The following ST3GAL3 variants were observed in gnomAD, a reference collection of about 807,000 sequenced individuals.
ST3GAL3 encodes ST3 beta-galactoside alpha-2,3-sialyltransferase 3, also known as CMP-N-acetylneuraminate-beta-1,4-galactoside alpha-2,3-sialyltransferase.
Under a neutral mutation model 50.1 loss-of-function variants are expected in ST3GAL3, and 21 were observed. That is an observed-to-expected ratio of 0.42 (90% confidence interval 0.30 to 0.60). The LOEUF (loss-of-function observed/expected upper bound fraction) is 0.60, where lower values mean the gene tolerates loss of function less well. ST3GAL3 is among the 20% of genes least tolerant of loss of function. The probability of loss-of-function intolerance (pLI) is 0.19; values close to 1 mark genes in which losing one functional copy is unlikely to be tolerated. For missense variants in ST3GAL3, 353 were observed against 489.4 expected (o/e 0.72, Z 2.63); for synonymous variants, 183 against 190.0 (o/e 0.96, Z 0.30).
chr1:43,754,671 A>G (rs1687394813), intron 2 of ST3GAL3, among the ~76,000 whole-genome samples: 1 of 152,196 alleles, frequency 6.6e-6, no homozygotes, highest in African/African-American at 2.4e-5. Context: ...AAAGTAACCA[A>G]GAAAACAAAA....
chr1:43,822,287 G>T (rs2062202895), intron 4 of ST3GAL3, among the ~76,000 whole-genome samples: 1 of 152,196 alleles, frequency 6.6e-6, no homozygotes, highest in Non-Finnish European at 1.5e-5. Flanking sequence ...ACTTTCCTGA[G>T]CCGACGTGGG....
At chr1:43,814,407 T>C (rs1225321026) in intron 3 of ST3GAL3, among the ~76,000 whole-genome samples, 1 of 152,240 alleles carries the variant, frequency 6.6e-6, no homozygotes, top group African/African-American at 2.4e-5. Flanking sequence ...CTATTCTTTA[T>C]GTAATCTGAT....
chr1:43,905,160 TTC>T (rs1491238754), intron 9 of ST3GAL3, among the ~76,000 whole-genome samples: 53 of 109,306 alleles, frequency 4.8e-4, no homozygotes, highest in East Asian at 1.4e-3. Flanking sequence ...CCCACCACTC[TTC>T]TCCTCCCCCT....
At position 43,770,335 on chromosome 1, in the gene ST3GAL3, T is replaced by G. The variant is rs114310788; in HGVS notation, c.119-21767T>G. ...GAAGACCAGTGGACGGGCCTCAAGTTTTTAGCTGTGTGCGTAAATTAACAA... is the reference window on the plus strand; with the variant it reads ...GAAGACCAGTGGACGGGCCTCAAGTGTTTAGCTGTGTGCGTAAATTAACAA... On this transcript the variant is annotated intron_variant, in intron 2 of 11. Coordinates refer to ENST00000347631, the MANE Select transcript of ST3GAL3 (RefSeq NM_006279.5). Among the ~76,000 whole-genome samples, 567 of 151,626 alleles carry G rather than the reference T, an allele frequency of 3.7e-3. 3 individuals are homozygous for G. Among genetic ancestry groups the G allele is most frequent in the African/African-American group, 0.013 (538 of 41,264 alleles).
chr1:43,732,364 A>G (rs550307811), intron 1 of ST3GAL3, among the ~76,000 whole-genome samples: 1 of 152,242 alleles, frequency 6.6e-6, no homozygotes, highest in South Asian at 2.1e-4. Context: ...GTCCCTTGCC[A>G]TGGTTCTAGT....
At chr1:43,886,119 G>A (rs2075944640) in intron 5 of ST3GAL3, among the ~76,000 whole-genome samples, 1 of 152,210 alleles carries the variant, frequency 6.6e-6, no homozygotes, top group Non-Finnish European at 1.5e-5. Flanking sequence ...AGTGGCTCAT[G>A]CCTGTCATCC....
At chr1:43,759,919 C>T (rs1335924934) in intron 2 of ST3GAL3, among the ~76,000 whole-genome samples, 1 of 152,106 alleles carries the variant, frequency 6.6e-6, no homozygotes, top group Non-Finnish European at 1.5e-5. Context: ...TCACTTGAGG[C>T]CAGCCTGAGC....
At chr1:43,824,053 T>A (rs548960547) in intron 4 of ST3GAL3, among the ~76,000 whole-genome samples, 4 of 152,354 alleles carry the variant, frequency 2.6e-5, no homozygotes, top group African/African-American at 4.8e-5. Context: ...CTCACAGATA[T>A]ATTCACAATG....
intron 2 of ST3GAL3, among the ~76,000 whole-genome samples, chr1:43,762,186 G>A (rs1029177751): frequency 8.0e-5 from 12 of 150,080 alleles, no homozygotes; most frequent in Admixed American, 5.3e-4. Context: ...CAGGAGGATC[G>A]CTTGAACCCA....
intron 2 of ST3GAL3, among the ~76,000 whole-genome samples, chr1:43,782,294 C>T (rs905892354): frequency 3.3e-5 from 5 of 152,172 alleles, no homozygotes; most frequent in African/African-American, 4.8e-5. Context: ...GAATTTCATC[C>T]GGCCCCCAAC....
intron 2 of ST3GAL3, among the ~76,000 whole-genome samples, chr1:43,773,733 A>G (rs1696177701): frequency 6.6e-6 from 1 of 152,188 alleles, no homozygotes; most frequent in Admixed American, 6.6e-5. Context: ...CACTAAGACA[A>G]TGGACTTAAT....
At chr1:43,901,032 T>G in intron 9 of ST3GAL3, among the ~76,000 whole-genome samples, 1 of 152,156 alleles carries the variant, frequency 6.6e-6, no homozygotes, top group East Asian at 1.9e-4. Flanking sequence ...GTTCCAGGAG[T>G]ACCCTACTGT....
intron 4 of ST3GAL3, among the ~76,000 whole-genome samples, chr1:43,819,806 T>C (rs969237763): frequency 2.0e-5 from 3 of 152,210 alleles, no homozygotes; most frequent in Admixed American, 1.3e-4. Flanking sequence ...CCAGTATCTG[T>C]TCTTATTTTT....
At chr1:43,791,853 C>G (rs533564067) in intron 2 of ST3GAL3, among the ~76,000 whole-genome samples, 1 of 152,256 alleles carries the variant, frequency 6.6e-6, no homozygotes, top group Non-Finnish European at 1.5e-5. Flanking sequence ...CAAGAAATGC[C>G]TCTAAAGAAT....
chr1:43,910,230 T>C (rs900609323), intron 9 of ST3GAL3, among the ~76,000 whole-genome samples: 3 of 152,038 alleles, frequency 2.0e-5, no homozygotes, highest in Non-Finnish European at 2.9e-5. Context: ...CATGATGGAG[T>C]ATAAAGCAGT....
intron 5 of ST3GAL3, among the ~76,000 whole-genome samples, chr1:43,870,869 T>G (rs1198758320): frequency 6.6e-6 from 1 of 152,090 alleles, no homozygotes; most frequent in Admixed American, 6.5e-5. Flanking sequence ...CCCAAAACTG[T>G]TGAGCATGGA....
chr1:43,832,014 G>C (rs989558528), intron 4 of ST3GAL3, among the ~76,000 whole-genome samples: 1 of 152,108 alleles, frequency 6.6e-6, no homozygotes, highest in Non-Finnish European at 1.5e-5. Flanking sequence ...TACTTCTCTT[G>C]TGTCTTTCAC....
chr1:43,859,113 C>T (rs2069244257), intron 5 of ST3GAL3, among the ~76,000 whole-genome samples: 1 of 152,120 alleles, frequency 6.6e-6, no homozygotes, highest in African/African-American at 2.4e-5. Context: ...GGTGATGTGG[C>T]GAGTATTGGG....
At chr1:43,908,629 CTTTTT>C (rs540408145) in intron 9 of ST3GAL3, among the ~76,000 whole-genome samples, 4 of 140,676 alleles carry the variant, frequency 2.8e-5, no homozygotes, top group African/African-American at 1.0e-4. Flanking sequence ...CCTTGCCACT[CTTTTT>C]TTTTTTTTTT....
Sources: allele counts gnomAD v4.1 joint callset (sites outside exome capture counted in the v4.1 genomes callset), GRCh38; gene constraint gnomAD v4.1.1; transcripts MANE v1.5; gene names NCBI Gene and HGNC (gene_info 2026-07-23, HGNC 2026-07-21).